The following TAS2R1 variants were observed in gnomAD, a reference collection of about 807,000 sequenced individuals.
The protein encoded by TAS2R1 is taste 2 receptor member 1, also known as taste receptor type 2 member 1.
For missense variants in TAS2R1, 370 were observed against 353.4 expected (o/e 1.05, Z -0.38); for synonymous variants, 141 against 134.2 (o/e 1.05, Z -0.35).
chr5:9,872,199 G>A, the TAS2R1 span, among the ~76,000 whole-genome samples: 1 of 152,134 alleles, frequency 6.6e-6, no homozygotes. Flanking sequence ...TTTCCCAAAA[G>A]TTTCCGTGTG....
chr5:9,845,776 T>C, the TAS2R1 span, among the ~76,000 whole-genome samples: 1 of 152,232 alleles, frequency 6.6e-6, no homozygotes, highest in African/African-American at 2.4e-5. Context: ...CCAAATGCAA[T>C]GGATTATTAG....
At position 9,629,733 on chromosome 5, in the gene TAS2R1, G is replaced by A. The variant is rs755283447; in HGVS notation, c.300C>T (p.Gly100=). The part of the protein sequence containing the change: ...ELELWLATWL[G]VFYCAKVASV... ...TGGCAACCTTGGCACAATAGAAAACGCCGAGCCATGTGGCAAGCCAAAGTT... is the reference window on the plus strand; with the variant it reads ...TGGCAACCTTGGCACAATAGAAAACACCGAGCCATGTGGCAAGCCAAAGTT... Residue 100 remains glycine (G), a synonymous_variant, in exon 1 of 1, where the codon GGC becomes GGT. Transcript: ENST00000382492. The A allele has an allele frequency of 6.8e-6, 11 of 1,613,780 alleles. No individual in the cohort carries two copies. The highest frequency in any genetic ancestry group is 5.5e-5 in the South Asian group (5 of 91,068).
chr5:9,779,947 C>G, the TAS2R1 span, among the ~76,000 whole-genome samples: 6 of 152,310 alleles, frequency 3.9e-5, no homozygotes, highest in East Asian at 1.2e-3. Context: ...CTGATGCACA[C>G]TAGAGTTTAA....
chr5:9,672,115 C>T (rs1015454562), intron 1 of TAS2R1, among the ~76,000 whole-genome samples: 2 of 152,118 alleles, frequency 1.3e-5, no homozygotes, highest in African/African-American at 4.8e-5. Flanking sequence ...CGGACCCCTT[C>T]CTTACATCAT....
chr5:9,859,730 T>C, the TAS2R1 span, among the ~76,000 whole-genome samples: 1 of 152,176 alleles, frequency 6.6e-6, no homozygotes, highest in Admixed American at 6.5e-5. Flanking sequence ...AATATATTAC[T>C]CCAGCTATCG....
intron 2 of TAS2R1, among the ~76,000 whole-genome samples, chr5:9,653,107 C>T (rs1740339130): frequency 6.6e-6 from 1 of 152,154 alleles, no homozygotes; most frequent in African/African-American, 2.4e-5. Flanking sequence ...TTTGACTACT[C>T]TATATACGTT....
upstream of TAS2R1, among the ~76,000 whole-genome samples, chr5:9,716,765 G>T (rs561735048): frequency 6.6e-6 from 1 of 152,212 alleles, no homozygotes; most frequent in South Asian, 2.1e-4. Context: ...GGGAAAAAAT[G>T]ACAACTTTTG....
At chr5:9,749,202 G>C in the TAS2R1 span, among the ~76,000 whole-genome samples, 1 of 152,184 alleles carries the variant, frequency 6.6e-6, no homozygotes, top group African/African-American at 2.4e-5. Flanking sequence ...ACTCACACAT[G>C]ATTAAGTCAA....
intron 1 of TAS2R1, among the ~76,000 whole-genome samples, chr5:9,691,339 G>A (rs751363042): frequency 1.6e-4 from 25 of 152,216 alleles, no homozygotes; most frequent in Non-Finnish European, 3.2e-4. Context: ...ACCTCCACAG[G>A]GAGTGTGACC....
At chr5:9,697,013 C>CA (rs1048512544) in intron 1 of TAS2R1, among the ~76,000 whole-genome samples, 8 of 148,862 alleles carry the variant, frequency 5.4e-5, no homozygotes, top group East Asian at 2.0e-4. Context: ...AACTCCGTCT[C>CA]AAAAAAAATA....
chr5:9,787,991 G>A, the TAS2R1 span, among the ~76,000 whole-genome samples: 1 of 152,184 alleles, frequency 6.6e-6, no homozygotes, highest in Non-Finnish European at 1.5e-5. Flanking sequence ...CAATCCAGGC[G>A]ATTTTGCAAT....
chr5:9,900,639 T>TA, the TAS2R1 span, among the ~76,000 whole-genome samples: 10 of 136,288 alleles, frequency 7.3e-5, no homozygotes, highest in African/African-American at 2.6e-4. Context: ...TTTTTTTTTT[T>TA]AGACGGAGTC....
At chr5:9,731,708 A>C in the TAS2R1 span, among the ~76,000 whole-genome samples, 1 of 152,174 alleles carries the variant, frequency 6.6e-6, no homozygotes, top group Non-Finnish European at 1.5e-5. Flanking sequence ...CACAGTTCCC[A>C]TGTTGTACTC....
intron 1 of TAS2R1, among the ~76,000 whole-genome samples, chr5:9,705,490 G>A (rs567323001): frequency 6.6e-6 from 1 of 152,258 alleles, no homozygotes; most frequent in South Asian, 2.1e-4. Flanking sequence ...GGCCAATTTA[G>A]TCCTGAACCC....
rs753464548 is a variant in TAS2R1 at position 9,698,737 on chromosome 5, C to T, written c.-242+13435G>A. Among the ~76,000 whole-genome samples the T allele has an allele frequency of 5.5e-4, 83 of 152,046 alleles. 1 individual carries two copies. Among genetic ancestry groups the T allele is most frequent in the Non-Finnish European group, 1.2e-4 (8 of 68,006 alleles). On this transcript the variant is annotated intron_variant, in intron 1 of 2. Coordinates refer to the TAS2R1 transcript ENST00000506620. ...GTGTCCTGGAAATGCCATCTGGTGC[C>T]GTGCAATCTGGATTCCTGTGAGTGC...
intron 1 of TAS2R1, among the ~76,000 whole-genome samples, chr5:9,687,214 C>T (rs1330754667): frequency 6.6e-6 from 1 of 152,198 alleles, no homozygotes; most frequent in Non-Finnish European, 1.5e-5. Context: ...CAGGTGATTG[C>T]TCGCCTCAGC....
At chr5:9,640,670 G>A (rs943956699) in intron 2 of TAS2R1, among the ~76,000 whole-genome samples, 6 of 152,006 alleles carry the variant, frequency 3.9e-5, no homozygotes, top group South Asian at 2.1e-4. Flanking sequence ...CCTTTCTATT[G>A]CAAATCTTGG....
At chr5:9,841,691 TA>T in the TAS2R1 span, among the ~76,000 whole-genome samples, 1 of 152,174 alleles carries the variant, frequency 6.6e-6, no homozygotes, top group Non-Finnish European at 1.5e-5. Flanking sequence ...GTGCCAACAA[TA>T]AAAGGCTGTG....
chr5:9,833,444 G>T, the TAS2R1 span, among the ~76,000 whole-genome samples: 46 of 152,008 alleles, frequency 3.0e-4, no homozygotes, highest in African/African-American at 1.1e-3. Flanking sequence ...CCTTTATTAT[G>T]GAATATTTTC....
Sources: allele counts gnomAD v4.1 joint callset (sites outside exome capture counted in the v4.1 genomes callset), GRCh38; gene constraint gnomAD v4.1.1; transcripts MANE v1.5; gene names NCBI Gene and HGNC (gene_info 2026-07-23, HGNC 2026-07-21).